Variants in RNF216 observed in about 807,000 individuals in gnomAD.
The protein encoded by RNF216 is ring finger protein 216.
RNF216 carries 72 observed loss-of-function variants against 110.8 expected under a neutral mutation model. The observed-to-expected ratio is 0.65, with a 90% confidence interval of 0.54 to 0.79. RNF216 has a LOEUF of 0.79. Ranked by LOEUF, RNF216 falls within the 30% of genes least tolerant of loss-of-function variation. The pLI is 0.00. For missense variants in RNF216, 1,342 were observed against 1,141.2 expected, an observed-to-expected ratio of 1.18 and a Z score of -2.54; for synonymous variants, 495 against 407.5, an observed-to-expected ratio of 1.21 and a Z score of -2.59.
intron 1 of RNF216, among the ~76,000 whole-genome samples, chr7:5,766,531 T>A (rs118182832): frequency 0.019 from 2,841 of 151,908 alleles, 45 homozygotes; most frequent in Non-Finnish European, 0.03. Flanking sequence ...TTTCTCTCCA[T>A]CATGTGAGAA....
intron 1 of RNF216, among the ~76,000 whole-genome samples, chr7:5,765,240 T>G (rs1796141352): frequency 6.6e-6 from 1 of 151,486 alleles, no homozygotes; most frequent in South Asian, 2.1e-4. Flanking sequence ...GGCCAGTGGA[T>G]TGCTTAAGGT....
At chr7:5,667,149 G>A (rs192631484) in intron 13 of RNF216, among the ~76,000 whole-genome samples, 2 of 152,298 alleles carry the variant, frequency 1.3e-5, no homozygotes, top group East Asian at 3.9e-4. Context: ...ATGGTGGGTT[G>A]TAAAGTCACT....
chr7:5,723,736 G>A (rs915549955), intron 8 of RNF216, among the ~76,000 whole-genome samples: 2 of 152,286 alleles, frequency 1.3e-5, no homozygotes, highest in African/African-American at 4.8e-5. Flanking sequence ...GGACAGAGGA[G>A]GGAGAACCGT....
At chr7:5,730,322 T>C (rs1380535267) in intron 6 of RNF216, among the ~76,000 whole-genome samples, 2 of 152,210 alleles carry the variant, frequency 1.3e-5, no homozygotes, top group Non-Finnish European at 2.9e-5. Flanking sequence ...CAGTGGTAGG[T>C]ATATAAATGA....
Position 5,770,630 on chromosome 7 carries a change from T to C in RNF216, c.-69-9492A>G, listed in dbSNP as rs537452213. ...GTTTTAAGAATAGATATATACTAGA[T>C]GACTTTAGAATTTACAGGAAAACAG... On this transcript the variant is annotated intron_variant, in intron 1 of 16. Transcript: ENST00000389902. 2.6e-5 allele frequency among the ~76,000 whole-genome samples: 4 copies of C among 151,656 alleles called. No homozygotes were observed. The South Asian group carries it at 8.3e-4, about 32-fold the overall frequency.
rs570917528 is a variant in RNF216 at position 5,656,228 on chromosome 7, C to T, written c.2062-3718G>A. Among the ~76,000 whole-genome samples, 17 of 152,246 alleles carry T rather than the reference C, an allele frequency of 1.1e-4. No individual in the cohort carries two copies. The East Asian group carries it at 3.3e-3, about 29-fold the overall frequency. ...AGGTTGCATTGAGCTGAGATGGTGC[C>T]ACTGCACTCCAGCCTGGGCGGCAGA... On this transcript the variant is annotated intron_variant, in intron 13 of 16. Coordinates refer to ENST00000389902, the MANE Select transcript of RNF216 (RefSeq NM_207111.4).
In RNF216 at chr7:5,622,564, GGCCTATGCCATGGA is replaced by G. The variant is rs1392322903; in HGVS notation, c.*282_*295del. 1 of 395,366 alleles carries G rather than the reference GGCCTATGCCATGGA, an allele frequency of 2.5e-6. No homozygotes were observed. Among genetic ancestry groups the G allele is most frequent in the East Asian group, 4.3e-5 (1 of 23,404 alleles). 24.5% of individuals were successfully genotyped at this position (395,366 alleles called of 1,614,324 possible). On this transcript the variant is annotated 3_prime_UTR_variant, in exon 17 of 17. Transcript: ENST00000389902. ...TGTGAGCAGCAGGGACCTGGTCTATGGCCTATGCCATGGACAAGGCAGAAGGACTGCCGTTGGTG... is the reference window on the plus strand; with the variant it reads ...TGTGAGCAGCAGGGACCTGGTCTATGCAAGGCAGAAGGACTGCCGTTGGTG...
intron 13 of RNF216, among the ~76,000 whole-genome samples, 177 bp downstream of exon 13, chr7:5,711,584 C>A (rs1002275537): frequency 6.6e-6 from 1 of 152,188 alleles, no homozygotes; most frequent in Non-Finnish European, 1.5e-5. Context: ...GCTGCCATCT[C>A]AGTAACCATG....
chr7:5,694,892 C>T (rs1791533983), intron 13 of RNF216, among the ~76,000 whole-genome samples: 1 of 152,234 alleles, frequency 6.6e-6, no homozygotes. Context: ...TTATAATCAT[C>T]TAAAGGACCC....
At chr7:5,663,946 CT>C in intron 13 of RNF216, among the ~76,000 whole-genome samples, 1 of 151,990 alleles carries the variant, frequency 6.6e-6, no homozygotes, top group Admixed American at 6.6e-5. Flanking sequence ...AAAAAGTTCA[CT>C]TGAGTGCCTA....
chr7:5,759,534 A>G (rs1795819101), intron 2 of RNF216, among the ~76,000 whole-genome samples: 1 of 152,156 alleles, frequency 6.6e-6, no homozygotes, highest in Admixed American at 6.5e-5. Flanking sequence ...TACAAAACAT[A>G]CAATATATAA....
At chr7:5,755,005 G>A (rs566252829) in intron 2 of RNF216, among the ~76,000 whole-genome samples, 2 of 145,108 alleles carry the variant, frequency 1.4e-5, no homozygotes, top group South Asian at 4.8e-4. Flanking sequence ...TCCAGCCTGG[G>A]TGCTAGAGCA....
chr7:5,631,510 C>T (rs1787069067), intron 15 of RNF216, among the ~76,000 whole-genome samples: 1 of 152,164 alleles, frequency 6.6e-6, no homozygotes, highest in Non-Finnish European at 1.5e-5. Context: ...GGTTTTGGTC[C>T]ATCTCAAAGG....
intron 13 of RNF216, among the ~76,000 whole-genome samples, chr7:5,711,398 G>C (rs1792679249): frequency 6.6e-6 from 1 of 152,210 alleles, no homozygotes; most frequent in African/African-American, 2.4e-5. Flanking sequence ...TGTGTGTGTG[G>C]GGAGGGAGGG....
chr7:5,773,579 A>T (rs1009095619), intron 1 of RNF216, among the ~76,000 whole-genome samples: 1 of 149,470 alleles, frequency 6.7e-6, no homozygotes, highest in Non-Finnish European at 1.5e-5. Flanking sequence ...TTTTCAAGCC[A>T]AATTTTGAGA....
At chr7:5,643,122 C>T (rs1466169494) in intron 14 of RNF216, among the ~76,000 whole-genome samples, 1 of 152,128 alleles carries the variant, frequency 6.6e-6, no homozygotes, top group Non-Finnish European at 1.5e-5. Flanking sequence ...ATACATAAAG[C>T]ATGCCTGCAA....
intron 8 of RNF216, among the ~76,000 whole-genome samples, chr7:5,724,703 G>T (rs1455374768): frequency 1.3e-5 from 2 of 152,138 alleles, no homozygotes; most frequent in African/African-American, 4.8e-5. Flanking sequence ...CTGAAATCAA[G>T]TGTGGTAATT....
intron 15 of RNF216, among the ~76,000 whole-genome samples, chr7:5,630,257 C>A (rs1054587381): frequency 2.6e-5 from 4 of 152,088 alleles, no homozygotes; most frequent in Admixed American, 2.0e-4. Flanking sequence ...GCTGGCGTCA[C>A]GGGAAGAACT....
chr7:5,704,719 C>T (rs767303715), intron 13 of RNF216, among the ~76,000 whole-genome samples: 5 of 152,230 alleles, frequency 3.3e-5, no homozygotes, highest in Admixed American at 6.5e-5. Context: ...TCTCCTTTCT[C>T]ATCCAAAGGA....
Sources: allele counts gnomAD v4.1 joint callset (sites outside exome capture counted in the v4.1 genomes callset), GRCh38; gene constraint gnomAD v4.1.1; transcripts MANE v1.5; gene names NCBI Gene and HGNC (gene_info 2026-07-23, HGNC 2026-07-21).